Variants in OR3A3 observed in about 807,000 individuals in gnomAD.
OR3A3 encodes olfactory receptor 3A3.
For missense variants in OR3A3, 275 were observed against 391.4 expected, an observed-to-expected ratio of 0.70 and a Z score of 2.51; for synonymous variants, 103 against 163.9, an observed-to-expected ratio of 0.63 and a Z score of 2.84.
At chr17:3,420,482 C>A in intron 2 of OR3A3, 98 bp from the exon 3 acceptor site, 1 of 1,544,610 alleles carries the variant, frequency 6.5e-7, no homozygotes, top group Non-Finnish European at 8.7e-7. Flanking sequence ...TGAGGGATGG[C>A]CTGGGGACTC....
At chr17:3,422,885 G>A (rs893423954) in exon 3 of OR3A3, 3 of 152,310 alleles carry the variant, frequency 2.0e-5, no homozygotes, top group Non-Finnish European at 2.9e-5. Flanking sequence ...TGAGCATATC[G>A]AGAGGGATGG....
intron 2 of OR3A3, among the ~76,000 whole-genome samples, chr17:3,413,997 C>A (rs1439954832): frequency 6.6e-6 from 1 of 152,142 alleles, no homozygotes; most frequent in Non-Finnish European, 1.5e-5. Context: ...ACATTGGAGA[C>A]ATCCTCTTGC....
chr17:3,416,579 C>T (rs2150680891), intron 2 of OR3A3, among the ~76,000 whole-genome samples: 1 of 152,180 alleles, frequency 6.6e-6, no homozygotes, highest in East Asian at 1.9e-4. Context: ...AGCTCTTTCT[C>T]TACTTTTTCT....
intron 2 of OR3A3, among the ~76,000 whole-genome samples, chr17:3,417,847 C>A (rs1376955333): frequency 6.6e-6 from 1 of 152,164 alleles, no homozygotes; most frequent in Non-Finnish European, 1.5e-5. Flanking sequence ...ATTACAATGA[C>A]CTTACTAGGA....
exon 3 of OR3A3, chr17:3,421,704 C>A: frequency 1.6e-6 from 1 of 644,946 alleles, no homozygotes; most frequent in Non-Finnish European, 2.4e-6. Context: ...ATTCATTCAA[C>A]AAATATTTAT....
chr17:3,416,756 T>C (rs2072394509), intron 2 of OR3A3, among the ~76,000 whole-genome samples: 1 of 152,144 alleles, frequency 6.6e-6, no homozygotes, highest in African/African-American at 2.4e-5. Flanking sequence ...TGTGTATATA[T>C]ATATAAAACA....
exon 3 of OR3A3, chr17:3,423,608 C>T (rs888186915): frequency 6.6e-6 from 1 of 152,112 alleles, no homozygotes; most frequent in East Asian, 1.9e-4. Flanking sequence ...TCCTTCACCT[C>T]GCCAAAAACC....
chr17:3,420,113 CT>C (rs199535036), intron 2 of OR3A3, among the ~76,000 whole-genome samples: 2 of 151,752 alleles, frequency 1.3e-5, no homozygotes, highest in Admixed American at 1.3e-4. Flanking sequence ...AGTCTTTTGC[CT>C]TTTTTTTAAC....
At chr17:3,416,933 A>G (rs2072395519) in intron 2 of OR3A3, among the ~76,000 whole-genome samples, 1 of 151,994 alleles carries the variant, frequency 6.6e-6, no homozygotes, top group African/African-American at 2.4e-5. Context: ...CTTTTATTTA[A>G]CTGTATTTTT....
At chr17:3,421,163 C>T (rs752038909) in exon 3 of OR3A3, 5 of 1,614,214 alleles carry the variant, frequency 3.1e-6, no homozygotes, top group South Asian at 2.2e-5. Flanking sequence ...CTCTCCTGCT[C>T]CAGCACCCAA....
exon 3 of OR3A3, chr17:3,421,201 G>C: frequency 6.2e-7 from 1 of 1,614,206 alleles, no homozygotes; most frequent in Non-Finnish European, 8.5e-7. Flanking sequence ...CTTTGTAGCA[G>C]CAGCCTTCAT....
intron 2 of OR3A3, among the ~76,000 whole-genome samples, chr17:3,417,119 A>G (rs2072397049): frequency 6.6e-6 from 1 of 151,860 alleles, no homozygotes; most frequent in Non-Finnish European, 1.5e-5. Flanking sequence ...TCACGATTAG[A>G]TCACTTAGTT....
intron 2 of OR3A3, among the ~76,000 whole-genome samples, chr17:3,417,340 G>A (rs545865999): frequency 4.4e-4 from 67 of 152,028 alleles, no homozygotes; most frequent in African/African-American, 1.5e-3. Flanking sequence ...ACTTACAATT[G>A]TAAGACAACT....
intron 2 of OR3A3, among the ~76,000 whole-genome samples, chr17:3,417,977 T>C (rs2072402376): frequency 2.0e-5 from 3 of 152,228 alleles, no homozygotes; most frequent in Non-Finnish European, 4.4e-5. Context: ...TGTTCCTCCA[T>C]GCTCATTTTT....
intron 2 of OR3A3, among the ~76,000 whole-genome samples, chr17:3,413,845 C>CA (rs34648972): frequency 0.07 from 10,075 of 142,958 alleles, 1,131 homozygotes; most frequent in African/African-American, 0.24. Context: ...AAACAAAAAA[C>CA]AAAAAAAAAA....
At chr17:3,419,978 A>G (rs921772410) in intron 2 of OR3A3, among the ~76,000 whole-genome samples, 6 of 152,108 alleles carry the variant, frequency 3.9e-5, no homozygotes, top group South Asian at 2.1e-4. Flanking sequence ...TGTGTTAGCC[A>G]GGATGGTCTC....
At position 3,417,126 on chromosome 17, in the gene OR3A3, A is replaced by ATAAG. The variant is rs566653650; in HGVS notation, c.-6-3454_-6-3453insTAAG. 9.2e-3 allele frequency among the ~76,000 whole-genome samples: 1,401 copies of ATAAG among 152,174 alleles called. 28 individuals carry two copies. The highest frequency in any genetic ancestry group is 0.032 in the African/African-American group (1,328 of 41,510). ...GCTTTTACTCACGATTAGATCACTT[A>ATAAG]GTTAAGGTTTGTCAATTTCATTTTA... On this transcript the variant is annotated intron_variant, in intron 2 of 2. Coordinates refer to ENST00000641141, the Ensembl canonical transcript of OR3A3.
intron 2 of OR3A3, 95 bp from the exon 3 acceptor site, chr17:3,420,484 TG>T: frequency 6.5e-7 from 1 of 1,546,062 alleles, no homozygotes; most frequent in Non-Finnish European, 8.7e-7. Context: ...AGGGATGGCC[TG>T]GGGACTCGCC....
Position 3,420,770 on chromosome 17 carries a change from T to C in OR3A3, c.185T>C (p.Met62Thr), listed in dbSNP as rs950474072. Reference sequence around the variant, plus strand: ...GTGGAGCCCAAACTCCACGCCCCCATGTACTTCTTCCTGGGGAACCTGTCA... The same window carrying C: ...GTGGAGCCCAAACTCCACGCCCCCACGTACTTCTTCCTGGGGAACCTGTCA... The change falls in exon 3 of 3, where the codon ATG becomes ACG. Residue 62 changes from methionine to threonine, a missense_variant. By Grantham distance (81) the Met-to-Thr change is moderately conservative. Coordinates refer to ENST00000641141, the Ensembl canonical transcript of OR3A3. The C allele has an allele frequency of 5.3e-6, 7 of 1,313,628 alleles. No homozygotes were observed. Among genetic ancestry groups the C allele is most frequent in the Admixed American group, 2.1e-5 (1 of 47,344 alleles). The allele number at this position is 1,313,628 out of a possible 1,614,324, so 81.4% of individuals were successfully genotyped here. A position where few individuals can be genotyped will look rare whatever the true frequency, so the allele number is the denominator to read the frequency against.
Sources: allele counts gnomAD v4.1 joint callset (sites outside exome capture counted in the v4.1 genomes callset), GRCh38; gene constraint gnomAD v4.1.1; transcripts MANE v1.5; gene names NCBI Gene and HGNC (gene_info 2026-07-23, HGNC 2026-07-21).